The following MEG3 variants were observed in gnomAD, a reference collection of about 807,000 sequenced individuals.
MEG3 encodes the protein maternally expressed 3, also known as Very putative protein from MEG3 locus.
At chr14:100,858,053 G>C (rs2038293469) in exon 1 of MEG3, 1 of 152,240 alleles carries the variant, frequency 6.6e-6, no homozygotes, top group African/African-American at 2.4e-5. Flanking sequence ...CCATTTCCTA[G>C]ATGAGCTTGC....
At chr14:100,855,823 C>T (rs935891013), upstream of MEG3, 3 of 152,206 alleles carry the variant, frequency 2.0e-5, no homozygotes, top group African/African-American at 7.2e-5. Flanking sequence ...TGAGTCAGGT[C>T]AGGCTTGTAG....
chr14:100,860,490 G>A (rs1381845840), intron 1 of MEG3: 16 of 374,520 alleles, frequency 4.3e-5, no homozygotes, highest in East Asian at 3.7e-4. Context: ...GGCAGGGTAC[G>A]CCAGAAGTTG....
chr14:100,844,816 A>AAAAAC (rs1273566185), intron 2 of MEG3, among the ~76,000 whole-genome samples: 1 of 152,240 alleles, frequency 6.6e-6, no homozygotes, highest in South Asian at 2.1e-4. Flanking sequence ...ATAAAAAAGA[A>AAAAAC]AAAACAAAAC....
chr14:100,832,294 T>G (rs1296659714), downstream of MEG3: 1 of 152,148 alleles, frequency 6.6e-6, no homozygotes, highest in Non-Finnish European at 1.5e-5. Flanking sequence ...TATTCTGGGT[T>G]TTTAACTCCT....
At chr14:100,852,731 C>A (rs115967510), upstream of MEG3, 3 of 223,066 alleles carry the variant, frequency 1.3e-5, no homozygotes, top group Non-Finnish European at 2.8e-5. Flanking sequence ...GTGCAGAAGG[C>A]GGGGAAGGGA....
exon 1 of MEG3, chr14:100,835,466 G>C (rs1329800396): frequency 6.5e-6 from 1 of 153,138 alleles, no homozygotes; most frequent in Non-Finnish European, 1.5e-5. Flanking sequence ...GCTTCTGCCC[G>C]GCTGCTGGCT....
upstream of MEG3, chr14:100,857,146 G>A (rs1196303199): frequency 6.6e-6 from 1 of 152,194 alleles, no homozygotes; most frequent in Non-Finnish European, 1.5e-5. Flanking sequence ...CCACCATATT[G>A]TATCTTACGG....
At position 100,834,929 on chromosome 14, in the gene MEG3, G is replaced by A. The variant is rs140701776; in HGVS notation, n.1961G>A. On this transcript the variant is annotated non_coding_transcript_exon_variant, in exon 1 of 4. Transcript: ENST00000398461. ...GTCGCGTCCCTGCATTCACCCGCGC[G>A]GCCATCCCGTCATCCAACAGTTGAT... is the stretch of plus-strand genomic sequence containing the variant. 291 of 406,748 alleles carry A rather than the reference G, an allele frequency of 7.2e-4. 1 individual carries two copies. Among genetic ancestry groups the A allele is most frequent in the Non-Finnish European group, 1.1e-3 (227 of 200,212 alleles). 25.2% of individuals were successfully genotyped at this position (406,748 alleles called of 1,614,324 possible). A position where few individuals can be genotyped will look rare whatever the true frequency, so the allele number is the denominator to read the frequency against.
At chr14:100,840,373 G>T (rs1469448662) in intron 2 of MEG3, among the ~76,000 whole-genome samples, 7 of 152,110 alleles carry the variant, frequency 4.6e-5, no homozygotes, top group Non-Finnish European at 1.0e-4. Flanking sequence ...GGAAACAAAG[G>T]CTCAGGCCGA....
downstream of MEG3, chr14:100,831,546 T>C (rs1451664923): frequency 6.6e-6 from 1 of 152,660 alleles, no homozygotes; most frequent in Non-Finnish European, 1.5e-5. Flanking sequence ...TAAAGACTTT[T>C]CTGTGGCTTA....
intron 2 of MEG3, among the ~76,000 whole-genome samples, chr14:100,840,019 C>G (rs2037703302): frequency 6.6e-6 from 1 of 152,194 alleles, no homozygotes; most frequent in African/African-American, 2.4e-5. Flanking sequence ...CAGCTCGCGT[C>G]ACCCCTGAGC....
Position 100,845,324 on chromosome 14 carries a change from T to C in MEG3, n.3046-134T>C, listed in dbSNP as rs1051595701. On this transcript the variant is annotated intron_variant and non_coding_transcript_variant, in intron 2 of 3. Coordinates refer to the MEG3 transcript ENST00000398461. The surrounding 1 kb of genome is among the most constrained non-coding windows in gnomAD (Gnocchi z 5.2). ...ATGCGTGGCTTCTCCAATTCCACAC[T>C]TGCTGGAGGTTGGGGAGTCTCTGCT... 5.6e-6 allele frequency: 2 copies of C among 355,866 alleles called. No homozygotes were observed. The highest frequency in any genetic ancestry group is 5.6e-6 in the Non-Finnish European group (1 of 178,746). The allele number at this position is 355,866 out of a possible 1,614,324, so 22.0% of individuals were successfully genotyped here. A position where few individuals can be genotyped will look rare whatever the true frequency, so the allele number is the denominator to read the frequency against.
chr14:100,849,688 G>C (rs1179327067), intron 3 of MEG3: 1 of 152,180 alleles, frequency 6.6e-6, no homozygotes, highest in Non-Finnish European at 1.5e-5. Context: ...GGATCTGTTA[G>C]GATTAGTCAT....
downstream of MEG3, chr14:100,831,204 CAG>C (rs1182930256): frequency 1.9e-4 from 29 of 153,096 alleles, no homozygotes; most frequent in Admixed American, 1.8e-3. Context: ...CCCAGGGAAA[CAG>C]AGGCTGTCAA....
chr14:100,836,250 C>T (rs1287621782), exon 2 of MEG3: 4 of 456,536 alleles, frequency 8.8e-6, no homozygotes, highest in Non-Finnish European at 1.8e-5. Context: ...CCCACCATCC[C>T]GGACCCAAGT....
rs998760183 is a variant in MEG3 at position 100,837,921 on chromosome 14, GGA to G, written n.3045+1623_3045+1624del. Among the ~76,000 whole-genome samples, 10 of 152,010 alleles carry G rather than the reference GGA, an allele frequency of 6.6e-5. No homozygotes were observed. Among genetic ancestry groups the G allele is most frequent in the Non-Finnish European group, 1.3e-4 (9 of 68,004 alleles). On this transcript the variant is annotated intron_variant and non_coding_transcript_variant, in intron 2 of 3. Transcript: ENST00000398461. This position sits in a 1 kb window ranked among gnomAD's most constrained non-coding sequence, Gnocchi z 5.8. ...CCCAGAGCCTGGAGAGACGGGGAGG[GGA>G]GTGTGTGCCCAGGGCTAAACCCAGG...
chr14:100,837,928 G>A lies in MEG3; in HGVS notation n.3045+1628G>A, dbSNP rs932016045. Among the ~76,000 whole-genome samples, 1 of 151,966 alleles carries A rather than the reference G, an allele frequency of 6.6e-6. No homozygotes were observed. Among genetic ancestry groups the A allele is most frequent in the Admixed American group, 6.6e-5 (1 of 15,258 alleles). On this transcript the variant is annotated intron_variant and non_coding_transcript_variant, in intron 2 of 3. Coordinates refer to the MEG3 transcript ENST00000398461. This position sits in a 1 kb window ranked among gnomAD's most constrained non-coding sequence, Gnocchi z 5.8. ...CCTGGAGAGACGGGGAGGGGAGTGT[G>A]TGCCCAGGGCTAAACCCAGGGAGGG...
At chr14:100,852,375 T>C (rs1196324477), upstream of MEG3, 1 of 533,992 alleles carries the variant, frequency 1.9e-6, no homozygotes. Flanking sequence ...GCGGAGGACA[T>C]GGAATTCATG....
intron 3 of MEG3, chr14:100,846,096 G>A (rs2037910025): frequency 3.3e-5 from 5 of 152,354 alleles, no homozygotes; most frequent in Admixed American, 2.6e-4. Context: ...GAGACACTCA[G>A]CCATGTTAAT....
Sources: allele counts gnomAD v4.1 joint callset (sites outside exome capture counted in the v4.1 genomes callset), GRCh38; gene constraint gnomAD v4.1.1; non-coding constraint Gnocchi (gnomAD v3.1); transcripts MANE v1.5; gene names NCBI Gene and HGNC (gene_info 2026-07-23, HGNC 2026-07-21).